The following PC variants were observed in gnomAD, a reference collection of about 807,000 sequenced individuals.
The protein encoded by PC is pyruvate carboxylase.
Under a neutral mutation model 107.8 loss-of-function variants are expected in PC, and 46 were observed. That is an observed-to-expected ratio of 0.43 (90% CI 0.34 to 0.55). PC has a LOEUF of 0.55. PC is among the 20% of genes least tolerant of loss of function. The probability of loss-of-function intolerance (pLI) is 0.04; values close to 1 mark genes in which losing one functional copy is unlikely to be tolerated. For synonymous variants in PC, 662 were observed against 684.7 expected (o/e 0.97, Z 0.52); for missense variants, 1,241 against 1,643.1 (o/e 0.76, Z 4.23).
chr11:66,921,551 C>T lies in PC; in HGVS notation c.-1+30879G>A, dbSNP rs185373881. 3.9e-5 allele frequency among the ~76,000 whole-genome samples: 6 copies of T among 152,196 alleles called. No individual in the cohort carries two copies. The East Asian group carries it at 7.7e-4, about 20-fold the overall frequency. On this transcript the variant is annotated intron_variant, in intron 3 of 22. Coordinates refer to ENST00000393960, the MANE Select transcript of PC (RefSeq NM_001040716.2). ...TCAGGGAAATAAAAGCACAAACACA[C>T]GGCCCTCTGGGGGTGGTGGCTTTGT... is the stretch of plus-strand genomic sequence containing the variant.
chr11:66,910,322 A>C (rs1040385582), intron 3 of PC, among the ~76,000 whole-genome samples: 1 of 152,098 alleles, frequency 6.6e-6, no homozygotes, highest in Admixed American at 6.5e-5. Flanking sequence ...CTCATGGTCC[A>C]TCCTGCAGAA....
chr11:66,932,873 CAA>C (rs1177633778), intron 3 of PC, among the ~76,000 whole-genome samples: 1 of 152,096 alleles, frequency 6.6e-6, no homozygotes, highest in Non-Finnish European at 1.5e-5. Context: ...AAACCCATTC[CAA>C]AGTCCCAGCA....
Position 66,920,668 on chromosome 11 carries a change from C to T in PC, c.-1+31762G>A, listed in dbSNP as rs557185534. Among the ~76,000 whole-genome samples, 11 of 152,286 alleles carry T rather than the reference C, an allele frequency of 7.2e-5. No homozygotes were observed. In the South Asian group the frequency reaches 2.3e-3, roughly 32 times the overall value. ...GCAGCCTCCCCGCCTTGACTCCTTCCTTCTGTGGGGTATCAGAACTCCAAC... is the reference window on the plus strand; with the variant it reads ...GCAGCCTCCCCGCCTTGACTCCTTCTTTCTGTGGGGTATCAGAACTCCAAC... On this transcript the variant is annotated intron_variant, in intron 3 of 22. Transcript: ENST00000393960.
chr11:66,921,713 C>G (rs573239871), intron 3 of PC, among the ~76,000 whole-genome samples: 1 of 152,114 alleles, frequency 6.6e-6, no homozygotes, highest in Non-Finnish European at 1.5e-5. Flanking sequence ...CAAGGTAACG[C>G]CTTTTACCTC....
intron 3 of PC, among the ~76,000 whole-genome samples, chr11:66,890,776 A>T (rs1947547227): frequency 6.6e-6 from 1 of 151,966 alleles, no homozygotes; most frequent in East Asian, 1.9e-4. Context: ...AAGCGCTGGG[A>T]TTACAGGCAT....
chr11:66,948,985 ATTAT>A (rs1305744853), intron 3 of PC, among the ~76,000 whole-genome samples: 2 of 151,632 alleles, frequency 1.3e-5, no homozygotes, highest in South Asian at 4.2e-4. Context: ...AATTATTATT[ATTAT>A]TTATTATTAT....
Position 66,858,099 on chromosome 11 carries a change from C to T in PC, c.1369-4716G>A, listed in dbSNP as rs1335754633. ...GCTGGGCACCGGGAGCCTCCGGGGC[C>T]CCGTCAATCTGCAGCACCTCATCCT... On this transcript the variant is annotated intron_variant, in intron 12 of 22. Coordinates refer to ENST00000393960, the MANE Select transcript of PC (RefSeq NM_001040716.2). This position sits in a 1 kb window ranked among gnomAD's most constrained non-coding sequence, Gnocchi z 5.9. 1 of 1,609,788 alleles carries T rather than the reference C, an allele frequency of 6.2e-7. No individual in the cohort carries two copies. Among genetic ancestry groups the T allele is most frequent in the Non-Finnish European group, 8.5e-7 (1 of 1,178,380 alleles).
chr11:66,849,225 A>G lies in PC; in HGVS notation c.3288+5T>C, dbSNP rs1945323792. On this transcript the variant is annotated splice_donor_5th_base_variant and intron_variant, in intron 22 of 22. Coordinates refer to ENST00000393960, the MANE Select transcript of PC (RefSeq NM_001040716.2). ...CCGCCTGGCTGGCCCTGGGGGAGACAATACCTTCATGGCCTGGGTGTCCTT... is the reference window on the plus strand; with the variant it reads ...CCGCCTGGCTGGCCCTGGGGGAGACGATACCTTCATGGCCTGGGTGTCCTT... 2 of 1,613,818 alleles carry G rather than the reference A, an allele frequency of 1.2e-6. No individual in the cohort carries two copies. Among genetic ancestry groups the G allele is most frequent in the Non-Finnish European group, 1.7e-6 (2 of 1,180,036 alleles).
intron 3 of PC, among the ~76,000 whole-genome samples, chr11:66,901,532 C>T (rs1041139986): frequency 3.3e-5 from 5 of 152,130 alleles, no homozygotes; most frequent in South Asian, 4.1e-4. Context: ...TACAATGGCG[C>T]GATCTTGGCT....
At chr11:66,931,491 T>C (rs542321539) in intron 3 of PC, among the ~76,000 whole-genome samples, 2 of 150,958 alleles carry the variant, frequency 1.3e-5, no homozygotes, top group South Asian at 4.2e-4. Flanking sequence ...GATGGGAACA[T>C]AGATGTTCAT....
chr11:66,860,530 C>T (rs181036397), intron 12 of PC: 65 of 702,052 alleles, frequency 9.3e-5, no homozygotes, highest in East Asian at 7.2e-4. Flanking sequence ...GGACAGGACA[C>T]GGGCCGCTGG....
At position 66,852,176 on chromosome 11, in the gene PC, TCTC is replaced by T. The variant is rs1945540733; in HGVS notation, c.1826-233_1826-231del. On this transcript the variant is annotated intron_variant, in intron 15 of 22. Transcript: ENST00000393960. The surrounding 1 kb of genome is among the most constrained non-coding windows in gnomAD (Gnocchi z 4.7). ...CTATGCCCCCTTTATAATCCCATCTTCTCCTCTACCTCTCTGTGCTATAATTAA... is the reference window on the plus strand; with the variant it reads ...CTATGCCCCCTTTATAATCCCATCTTCTCTACCTCTCTGTGCTATAATTAA... Among the ~76,000 whole-genome samples the T allele has an allele frequency of 1.3e-5, 2 of 152,136 alleles. No homozygotes were observed. The highest frequency in any genetic ancestry group is 4.8e-5 in the African/African-American group (2 of 41,424).
intron 3 of PC, among the ~76,000 whole-genome samples, chr11:66,881,782 G>T (rs1418910543): frequency 1.3e-5 from 2 of 152,208 alleles, no homozygotes; most frequent in African/African-American, 4.8e-5. Context: ...GGTGCAGTGG[G>T]ATTAAGTGAC....
intron 3 of PC, among the ~76,000 whole-genome samples, chr11:66,903,124 G>A (rs1476585698): frequency 2.0e-5 from 3 of 152,176 alleles, no homozygotes; most frequent in African/African-American, 7.2e-5. Flanking sequence ...CCACTGGGAG[G>A]AAGGAGGTAT....
At position 66,871,538 on chromosome 11, in the gene PC, C is replaced by T; in HGVS notation, c.322-58G>A. On this transcript the variant is annotated intron_variant, in intron 5 of 22. Coordinates refer to ENST00000393960, the MANE Select transcript of PC (RefSeq NM_001040716.2). This position sits in a 1 kb window ranked among gnomAD's most constrained non-coding sequence, Gnocchi z 7.4. ...TTGCAGTCCCTTCCAAGGCCTCGGCCAGCCTCTTCCCCTGCCTAACCTGCT... is the reference window on the plus strand; with the variant it reads ...TTGCAGTCCCTTCCAAGGCCTCGGCTAGCCTCTTCCCCTGCCTAACCTGCT... 6.2e-7 allele frequency: 1 copy of T among 1,606,242 alleles called. No homozygotes were observed. Among genetic ancestry groups the T allele is most frequent in the Admixed American group, 1.7e-5 (1 of 60,010 alleles).
At chr11:66,854,005 A>T (rs936951712) in intron 12 of PC, among the ~76,000 whole-genome samples, 1 of 152,222 alleles carries the variant, frequency 6.6e-6, no homozygotes, top group Admixed American at 6.5e-5. Flanking sequence ...GCATAAGTTC[A>T]GCAAGTCCAC....
chr11:66,908,970 T>A (rs905592165), intron 3 of PC, among the ~76,000 whole-genome samples: 1 of 152,046 alleles, frequency 6.6e-6, no homozygotes, highest in Non-Finnish European at 1.5e-5. Context: ...TTCCAGCCCA[T>A]GAAGGAAGGG....
chr11:66,871,456 G>C lies in PC; in HGVS notation c.346C>G (p.Pro116Ala). Reference protein sequence around the residue: ...AKENNVDAVHPGYGFLSERAD... With the variant: ...AKENNVDAVHAGYGFLSERAD... Reference sequence around the variant, plus strand: ...CGCTCAGAGAGGAACCCGTAGCCAGGGTGCACTGCATCTACGTTGTTCTCC... The same window carrying C: ...CGCTCAGAGAGGAACCCGTAGCCAGCGTGCACTGCATCTACGTTGTTCTCC... Residue 116 changes from proline (P) to alanine (A), a missense_variant, in exon 6 of 23, where the codon CCT (proline) becomes GCT (alanine). By Grantham distance (27) the Pro-to-Ala change is conservative. This residue lies in a region of PC where 1,143 missense variants were observed against 1,551.9 expected (regional missense o/e 0.74). Coordinates refer to ENST00000393960, the MANE Select transcript of PC (RefSeq NM_001040716.2). The surrounding 1 kb of genome is among the most constrained non-coding windows in gnomAD (Gnocchi z 7.4). 1 of 1,613,440 alleles carries C rather than the reference G, an allele frequency of 6.2e-7. No individual in the cohort carries two copies. Among genetic ancestry groups the C allele is most frequent in the South Asian group, 1.1e-5 (1 of 91,090 alleles).
Position 66,954,280 on chromosome 11 carries a change from A to C in PC, c.-71T>G, listed in dbSNP as rs917964130. 1 of 152,270 alleles carries C rather than the reference A, an allele frequency of 6.6e-6. No homozygotes were observed. Among genetic ancestry groups the C allele is most frequent in the Admixed American group, 6.5e-5 (1 of 15,276 alleles). 9.4% of individuals were successfully genotyped at this position (152,270 alleles called of 1,614,324 possible). Reference sequence around the variant, plus strand: ...AGGCAAATGGAAGAAAGAGCCCAACAGGTGGAATCATATTAGAGAGTCTTG... The same window carrying C: ...AGGCAAATGGAAGAAAGAGCCCAACCGGTGGAATCATATTAGAGAGTCTTG... On this transcript the variant is annotated 5_prime_UTR_variant, in exon 2 of 23. Coordinates refer to ENST00000393960, the MANE Select transcript of PC (RefSeq NM_001040716.2).
Sources: allele counts gnomAD v4.1 joint callset (sites outside exome capture counted in the v4.1 genomes callset), GRCh38; gene constraint gnomAD v4.1.1; regional missense constraint gnomAD v4.1.1; non-coding constraint Gnocchi (gnomAD v3.1); transcripts MANE v1.5; gene names NCBI Gene and HGNC (gene_info 2026-07-23, HGNC 2026-07-21).